The following MCTP1 variants were observed in gnomAD, a reference collection of about 807,000 sequenced individuals.
MCTP1 encodes multiple C2 and transmembrane domain-containing protein 1.
MCTP1 carries 69 observed loss-of-function variants against 120.6 expected under a neutral mutation model. That is an observed-to-expected ratio of 0.57 (90% CI 0.47 to 0.70). The LOEUF (loss-of-function observed/expected upper bound fraction) is 0.70. Among genes scored for constraint, MCTP1 ranks in the 30% least tolerant of loss-of-function variants. The pLI is 0.00. For synonymous variants in MCTP1, 529 were observed against 493.1 expected, an observed-to-expected ratio of 1.07 and a Z score of -0.96; for missense variants, 1,203 against 1,248.8, an observed-to-expected ratio of 0.96 and a Z score of 0.55.
chr5:95,152,735 A>C (rs1744676770), intron 1 of MCTP1, among the ~76,000 whole-genome samples: 1 of 152,162 alleles, frequency 6.6e-6, no homozygotes, highest in African/African-American at 2.4e-5. Flanking sequence ...CTGAAGGGGA[A>C]TAAATTTATG....
intron 19 of MCTP1, among the ~76,000 whole-genome samples, chr5:94,772,932 T>C (rs1377371558): frequency 6.6e-6 from 1 of 152,196 alleles, no homozygotes; most frequent in African/African-American, 2.4e-5. Flanking sequence ...TAAATTTGGC[T>C]GAACCACAGT....
At chr5:95,011,418 T>A (rs760542051) in intron 2 of MCTP1, among the ~76,000 whole-genome samples, 5 of 152,124 alleles carry the variant, frequency 3.3e-5, no homozygotes, top group Non-Finnish European at 5.9e-5. Flanking sequence ...TTTTACTCCA[T>A]CATTACCATT....
At chr5:94,708,721 C>T in intron 21 of MCTP1, 112 bp from the exon 22 acceptor site, 1 of 610,752 alleles carries the variant, frequency 1.6e-6, no homozygotes, top group Non-Finnish European at 2.9e-6. Context: ...CAGTTTTTTC[C>T]CCCTCTTCCT....
At chr5:95,070,720 G>C (rs1751933804) in intron 1 of MCTP1, among the ~76,000 whole-genome samples, 1 of 152,226 alleles carries the variant, frequency 6.6e-6, no homozygotes, top group African/African-American at 2.4e-5. Flanking sequence ...AGACTGTCTA[G>C]AGAGAGGAGT....
At position 95,066,038 on chromosome 5, in the gene MCTP1, A is replaced by T. The variant is rs139580331; in HGVS notation, c.721-48554T>A. Among the ~76,000 whole-genome samples the T allele has an allele frequency of 2.2e-4, 34 of 152,340 alleles. No individual in the cohort carries two copies. In the East Asian group the frequency reaches 4.8e-3, roughly 22 times the overall value. On this transcript the variant is annotated intron_variant, in intron 1 of 22. Transcript: ENST00000515393. The stretch of plus-strand genomic sequence containing the variant: ...ATTACATCAAACTAAAAAGCTCTGC[A>T]CAACAATGCAAACATCAACAGAGTG...
intron 1 of MCTP1, among the ~76,000 whole-genome samples, chr5:95,239,285 C>T (rs1218833205): frequency 6.6e-6 from 1 of 152,148 alleles, no homozygotes; most frequent in Non-Finnish European, 1.5e-5. Context: ...CCTAAACTTT[C>T]TATGACCACA....
chr5:95,155,154 G>A (rs1424097743), intron 1 of MCTP1, among the ~76,000 whole-genome samples: 1 of 152,096 alleles, frequency 6.6e-6, no homozygotes. Context: ...GCTCTACTCA[G>A]ATCATGCAGT....
At chr5:95,159,492 T>C (rs925704456) in intron 1 of MCTP1, among the ~76,000 whole-genome samples, 5 of 152,194 alleles carry the variant, frequency 3.3e-5, no homozygotes, top group African/African-American at 1.2e-4. Context: ...TCAAAAATCA[T>C]TTGTGAAGTG....
At chr5:94,843,326 T>C (rs979366695) in intron 17 of MCTP1, among the ~76,000 whole-genome samples, 1 of 152,130 alleles carries the variant, frequency 6.6e-6, no homozygotes, top group Non-Finnish European at 1.5e-5. Flanking sequence ...TGGTAATGGG[T>C]ACATAGAGTG....
intron 2 of MCTP1, among the ~76,000 whole-genome samples, chr5:94,959,339 C>G (rs1478185424): frequency 6.6e-6 from 1 of 152,054 alleles, no homozygotes; most frequent in African/African-American, 2.4e-5. Flanking sequence ...AAGTTGGAAG[C>G]ATTTTATTTG....
At chr5:95,152,163 C>T (rs1671473497) in intron 1 of MCTP1, among the ~76,000 whole-genome samples, 1 of 152,172 alleles carries the variant, frequency 6.6e-6, no homozygotes, top group Non-Finnish European at 1.5e-5. Flanking sequence ...ATGTCACTTG[C>T]TCTCCACCAC....
At chr5:94,993,441 G>A (rs1000867201) in intron 2 of MCTP1, among the ~76,000 whole-genome samples, 9 of 151,950 alleles carry the variant, frequency 5.9e-5, no homozygotes, top group African/African-American at 1.9e-4. Flanking sequence ...TTTTTTCCCA[G>A]GACTATTTTC....
At chr5:94,980,123 A>G (rs889557283) in intron 2 of MCTP1, among the ~76,000 whole-genome samples, 6 of 152,146 alleles carry the variant, frequency 3.9e-5, no homozygotes, top group Non-Finnish European at 7.4e-5. Context: ...TACCCTTACC[A>G]TTTTGTTGGA....
chr5:95,167,013 C>T (rs1012209825), intron 1 of MCTP1, among the ~76,000 whole-genome samples: 8 of 151,030 alleles, frequency 5.3e-5, no homozygotes, highest in Non-Finnish European at 8.8e-5. Flanking sequence ...GTGTGCTGCA[C>T]CCATTAACTC....
intron 20 of MCTP1, 73 bp from the exon 21 acceptor site, chr5:94,711,000 C>G (rs1442392463): frequency 1.9e-6 from 2 of 1,030,000 alleles, no homozygotes; most frequent in East Asian, 5.2e-5. Context: ...ACATATGATT[C>G]TAACTTGGGA....
chr5:94,883,549 T>C (rs986582759), intron 12 of MCTP1, among the ~76,000 whole-genome samples: 9 of 152,334 alleles, frequency 5.9e-5, no homozygotes, highest in Admixed American at 5.2e-4. Flanking sequence ...CCTGATAATA[T>C]ACCAAGATGA....
intron 19 of MCTP1, among the ~76,000 whole-genome samples, chr5:94,777,412 G>A (rs915394928): frequency 6.6e-5 from 10 of 152,098 alleles, no homozygotes; most frequent in African/African-American, 2.4e-4. Context: ...ATTAAAAATG[G>A]CCATAAAACG....
chr5:95,241,547 A>C (rs1490862868), intron 1 of MCTP1, among the ~76,000 whole-genome samples: 2 of 152,168 alleles, frequency 1.3e-5, no homozygotes, highest in African/African-American at 4.8e-5. Flanking sequence ...CCAATATTTT[A>C]GTGGGGGAAA....
intron 1 of MCTP1, among the ~76,000 whole-genome samples, chr5:95,176,655 C>T (rs146809660): frequency 6.6e-6 from 1 of 152,200 alleles, no homozygotes; most frequent in Non-Finnish European, 1.5e-5. Context: ...TGAGACCAGC[C>T]TGGCCAACAT....
Sources: allele counts gnomAD v4.1 joint callset (sites outside exome capture counted in the v4.1 genomes callset), GRCh38; gene constraint gnomAD v4.1.1; transcripts MANE v1.5; gene names NCBI Gene and HGNC (gene_info 2026-07-23, HGNC 2026-07-21).